Variants in LIFR observed in about 807,000 individuals in gnomAD.
LIFR encodes the protein LIF receptor subunit alpha.
In LIFR, 84 loss-of-function variants were observed where a neutral mutation model predicts 122.2. The ratio of observed to expected loss-of-function variants is 0.69; its 90% CI spans 0.58 to 0.82. LIFR has a LOEUF of 0.82. LIFR is among the 40% of genes least tolerant of loss of function. LIFR has a pLI of 0.00. For missense variants in LIFR, 1,294 were observed against 1,311.6 expected (o/e 0.99, Z 0.21); for synonymous variants, 422 against 434.7 (o/e 0.97, Z 0.36).
chr5:38,549,673 C>A (rs918617467), intron 1 of LIFR, among the ~76,000 whole-genome samples: 1 of 152,166 alleles, frequency 6.6e-6, no homozygotes, highest in Non-Finnish European at 1.5e-5. Flanking sequence ...TGCCCATAAT[C>A]CCAGCTACTT....
chr5:38,538,416 T>A (rs1341334958), intron 1 of LIFR, among the ~76,000 whole-genome samples: 1 of 152,212 alleles, frequency 6.6e-6, no homozygotes, highest in Non-Finnish European at 1.5e-5. Context: ...ACAAATCCAC[T>A]CAAGTAAGGT....
chr5:38,497,992 T>A (rs568410203), intron 12 of LIFR, among the ~76,000 whole-genome samples: 32 of 152,350 alleles, frequency 2.1e-4, no homozygotes, highest in Non-Finnish European at 4.3e-4. Context: ...AAAGTGAACT[T>A]ACTGTATAAA....
chr5:38,592,289 A>G (rs76459258), intron 1 of LIFR, among the ~76,000 whole-genome samples: 5,645 of 151,518 alleles, frequency 0.037, 358 homozygotes, highest in African/African-American at 0.13. Context: ...TTTCTTTAAG[A>G]AAAAAAAAGA....
chr5:38,535,638 A>G (rs568624438), intron 1 of LIFR, among the ~76,000 whole-genome samples: 1 of 152,216 alleles, frequency 6.6e-6, no homozygotes, highest in Admixed American at 6.5e-5. Flanking sequence ...TCCTAATCTT[A>G]TAATTCTCCC....
chr5:38,543,148 T>C (rs1471409632), intron 1 of LIFR, among the ~76,000 whole-genome samples: 1 of 151,920 alleles, frequency 6.6e-6, no homozygotes, highest in Non-Finnish European at 1.5e-5. Flanking sequence ...TGAAACCATA[T>C]TTCTACTGAT....
chr5:38,506,379 T>C (rs1745483068), intron 8 of LIFR, 124 bp downstream of exon 8: 3 of 1,124,710 alleles, frequency 2.7e-6, no homozygotes, highest in Non-Finnish European at 2.7e-6. Flanking sequence ...TGTAATTTTA[T>C]ACAGCATATT....
At chr5:38,507,930 T>C (rs1031943478) in intron 7 of LIFR, among the ~76,000 whole-genome samples, 4 of 152,154 alleles carry the variant, frequency 2.6e-5, no homozygotes, top group Non-Finnish European at 5.9e-5. Context: ...AACAATTAGA[T>C]AAGTAAACAA....
At position 38,506,090 on chromosome 5, in the gene LIFR, AAAAT is replaced by A. The variant is rs372488376; in HGVS notation, c.1122-20_1122-17del. 8 of 1,539,418 alleles carry A rather than the reference AAAAT, an allele frequency of 5.2e-6. No individual in the cohort carries two copies. The African/African-American group carries it at 6.8e-5, about 13-fold the overall frequency. ...TCCTGAAAAACTGTTAATTAACAGA[AAAAT>A]AATTTCAAAATGGCAAGAGATAAAT... On this transcript the variant is annotated splice_polypyrimidine_tract_variant and intron_variant, in intron 8 of 19. Transcript: ENST00000453190.
chr5:38,515,440 G>A (rs1399079418), intron 5 of LIFR, among the ~76,000 whole-genome samples: 19 of 152,124 alleles, frequency 1.2e-4, no homozygotes, highest in Admixed American at 1.2e-3. Context: ...AAGTAATGAA[G>A]CAGAGAAATA....
chr5:38,528,847 G>A lies in LIFR; in HGVS notation c.143-7C>T, dbSNP rs1261505241. On this transcript the variant is annotated splice_polypyrimidine_tract_variant and splice_region_variant and intron_variant, in intron 2 of 19. Coordinates refer to ENST00000453190, the MANE Select transcript of LIFR (RefSeq NM_001127671.2). ...TTCAAATCATGAGGAGCCCCTGGAG[G>A]AGACACACACACACACACACACACA... The A allele has an allele frequency of 8.2e-7, 1 of 1,222,012 alleles. No homozygotes were observed. Among genetic ancestry groups the A allele is most frequent in the East Asian group, 2.7e-5 (1 of 36,472 alleles). 75.7% of individuals were successfully genotyped at this position (1,222,012 alleles called of 1,614,324 possible). A position where few individuals can be genotyped will look rare whatever the true frequency, so the allele number is the denominator to read the frequency against.
chr5:38,603,870 A>G (rs1028316210), intron 2 of LIFR, among the ~76,000 whole-genome samples: 2 of 152,138 alleles, frequency 1.3e-5, no homozygotes, highest in African/African-American at 4.8e-5. Flanking sequence ...GAACTGGTCT[A>G]CTCCACAGAT....
chr5:38,593,152 G>A (rs941575366), intron 1 of LIFR, among the ~76,000 whole-genome samples: 24 of 152,148 alleles, frequency 1.6e-4, no homozygotes, highest in Non-Finnish European at 2.8e-4. Flanking sequence ...GCGGTGAGCC[G>A]AGGTCGAGCC....
At position 38,556,639 on chromosome 5, in the gene LIFR, C is replaced by T. The variant is rs1457687594; in HGVS notation, c.-325G>A. On this transcript the variant is annotated 5_prime_UTR_variant, in exon 1 of 20. Coordinates refer to ENST00000453190, the MANE Select transcript of LIFR (RefSeq NM_001127671.2). ...CACCGCCACGGCCGAGTCGCTCCAGCCGGGACTGCGGCGCGCGGGGGCGGC... is the reference window on the plus strand; with the variant it reads ...CACCGCCACGGCCGAGTCGCTCCAGTCGGGACTGCGGCGCGCGGGGGCGGC... 6.8e-6 allele frequency: 1 copy of T among 147,756 alleles called. No individual in the cohort carries two copies. The highest frequency in any genetic ancestry group is 2.4e-5 in the African/African-American group (1 of 40,890). 9.2% of individuals were successfully genotyped at this position (147,756 alleles called of 1,614,324 possible). A position where few individuals can be genotyped will look rare whatever the true frequency, so the allele number is the denominator to read the frequency against.
rs150526120 is a variant in LIFR, at chr5:38,564,052, G to T, written c.-20+31209C>A. On this transcript the variant is annotated intron_variant, in intron 1 of 19. Coordinates refer to the LIFR transcript ENST00000263409. ...TCTCTCTTTAGTCCAAATGGCTCCT[G>T]TCCTTTGTCTCTGTAGGGTTGAATC... Among the ~76,000 whole-genome samples, 46 of 152,272 alleles carry T rather than the reference G, an allele frequency of 3.0e-4. No homozygotes were observed. The East Asian group carries it at 6.4e-3, about 21-fold the overall frequency.
At chr5:38,581,424 C>A (rs1289202922) in intron 1 of LIFR, among the ~76,000 whole-genome samples, 1 of 152,178 alleles carries the variant, frequency 6.6e-6, no homozygotes, top group Non-Finnish European at 1.5e-5. Flanking sequence ...CATTCCGCAA[C>A]CACTCCATGC....
chr5:38,557,944 T>C (rs1174910406), upstream of LIFR: 2 of 152,284 alleles, frequency 1.3e-5, no homozygotes, highest in African/African-American at 2.4e-5. Flanking sequence ...CCATTTAAGA[T>C]GTTTACCCTT....
chr5:38,585,770 C>T lies in LIFR; in HGVS notation c.-20+9491G>A, dbSNP rs567008174. On this transcript the variant is annotated intron_variant, in intron 1 of 19. Coordinates refer to the LIFR transcript ENST00000263409. ...CATCTAGGTCAGCTCATATGGCTAT[C>T]TACTTTACTCTAAATAACATAATAA... 2.6e-5 allele frequency among the ~76,000 whole-genome samples: 4 copies of T among 151,738 alleles called. No individual in the cohort carries two copies. The South Asian group carries it at 8.3e-4, about 32-fold the overall frequency.
Position 38,481,515 on chromosome 5 carries a change from A to G in LIFR, c.*80T>C. 15 of 1,429,964 alleles carry G rather than the reference A, an allele frequency of 1.0e-5. No individual in the cohort carries two copies. The highest frequency in any genetic ancestry group is 1.5e-5 in the Non-Finnish European group (15 of 1,012,704). 88.6% of individuals were successfully genotyped at this position (1,429,964 alleles called of 1,614,324 possible). Reference sequence around the variant, plus strand: ...TAACAATACTTCACAGGATCCCTCCAAGAATGCCCAGTGCTGATGTAGCAA... The same window carrying G: ...TAACAATACTTCACAGGATCCCTCCGAGAATGCCCAGTGCTGATGTAGCAA... On this transcript the variant is annotated 3_prime_UTR_variant, in exon 20 of 20. Transcript: ENST00000453190.
chr5:38,493,468 C>G (rs1003263242), intron 14 of LIFR, 138 bp downstream of exon 14: 66 of 770,338 alleles, frequency 8.6e-5, no homozygotes, highest in Non-Finnish European at 2.3e-5. Context: ...TGTGCTGCCA[C>G]AACTACCCTC....
Sources: gnomAD v4.1 joint callset for allele counts (sites outside exome capture counted in the v4.1 genomes callset) on GRCh38, gnomAD v4.1.1 for gene constraint, MANE v1.5 for transcripts, NCBI Gene and HGNC (gene_info 2026-07-23, HGNC 2026-07-21) for gene names.